HTR2C: variants seen among roughly 807,000 people sequenced by gnomAD.
HTR2C encodes the protein 5-hydroxytryptamine receptor 2C.
Under a neutral mutation model 21.0 loss-of-function variants are expected in HTR2C, and 5 were observed. That is an observed-to-expected ratio of 0.24 (90% CI 0.12 to 0.50). HTR2C has a LOEUF of 0.50. Among genes scored for constraint, HTR2C ranks in the 20% least tolerant of loss-of-function variants. The pLI, the probability that HTR2C is intolerant of heterozygous loss-of-function variation, is 0.98. For synonymous variants in HTR2C, 150 were observed against 145.3 expected (o/e 1.03, Z -0.23); for missense variants, 271 against 371.2 (o/e 0.73, Z 2.22).
chrX:114,818,829 T>G (rs1556455357), intron 4 of HTR2C, among the ~76,000 whole-genome samples: 1 of 112,496 alleles, frequency 8.9e-6, no homozygotes, highest in African/African-American at 3.2e-5. Flanking sequence ...ATAGATACTA[T>G]TTGGCCCTTT....
intron 2 of HTR2C, among the ~76,000 whole-genome samples, chrX:114,704,544 G>A (rs376508631): frequency 9.0e-6 from 1 of 111,658 alleles, no homozygotes; most frequent in South Asian, 3.8e-4. Flanking sequence ...AATTAGTACT[G>A]ATGGGATGTA....
intron 1 of HTR2C, among the ~76,000 whole-genome samples, chrX:114,605,240 A>G (rs1398201967): frequency 8.9e-6 from 1 of 112,541 alleles, no homozygotes; most frequent in Non-Finnish European, 1.9e-5. Flanking sequence ...AGGGCTAGTC[A>G]TGGAACGAAA....
rs1451351155 is a variant in HTR2C, at chrX:114,907,635, ATTGT to A, written c.*224_*227del. ...AATAGGTGGAGACTAACTTATTTTG[ATTGT>A]TTGATGAATAAAATGTTTATTTTTG... On this transcript the variant is annotated 3_prime_UTR_variant, in exon 6 of 6. Transcript: ENST00000276198. 5.0e-5 allele frequency: 15 copies of A among 303,012 alleles called. No individual in the cohort carries two copies. The highest frequency in any genetic ancestry group is 8.9e-4 in the Middle Eastern group (1 of 1,125). The allele number at this position is 303,012 out of a possible 1,213,427, so 25.0% of individuals were successfully genotyped here. A position where few individuals can be genotyped will look rare whatever the true frequency, so the allele number is the denominator to read the frequency against.
At chrX:114,710,874 T>C (rs1362762403) in intron 2 of HTR2C, among the ~76,000 whole-genome samples, 1 of 110,997 alleles carries the variant, frequency 9.0e-6, no homozygotes, top group East Asian at 2.8e-4. Context: ...GGCCAAAAGG[T>C]GTGTGGGAGG....
intron 2 of HTR2C, among the ~76,000 whole-genome samples, chrX:114,636,454 AG>A (rs1378340052): frequency 2.7e-5 from 3 of 112,322 alleles, no homozygotes; most frequent in Non-Finnish European, 5.6e-5. Context: ...GATGAGCAAG[AG>A]AAAATTATTT....
chrX:114,585,450 G>A (rs2147784297), intron 1 of HTR2C, among the ~76,000 whole-genome samples: 1 of 111,493 alleles, frequency 9.0e-6, no homozygotes, highest in East Asian at 2.8e-4. Context: ...CTCCAGCGCT[G>A]CCTCTTATTC....
intron 2 of HTR2C, among the ~76,000 whole-genome samples, chrX:114,653,419 G>C (rs1035163475): frequency 4.5e-5 from 5 of 110,103 alleles, no homozygotes; most frequent in African/African-American, 1.6e-4. Flanking sequence ...AGGAGTAGTT[G>C]GTATCAGGAA....
At chrX:114,741,524 T>TAAAAAAAAAAAAAAAAAAAAAAAA (rs782206973) in intron 4 of HTR2C, among the ~76,000 whole-genome samples, 1 of 4,900 alleles carries the variant, frequency 2.0e-4, no homozygotes, top group African/African-American at 4.2e-4. Flanking sequence ...CGACTCCGTC[T>TAAAAAAAAAAAAAAAAAAAAAAAA]AAAAAAAAAA....
intron 4 of HTR2C, among the ~76,000 whole-genome samples, chrX:114,803,153 C>G (rs2070367600): frequency 3.1e-5 from 3 of 96,715 alleles, no homozygotes; most frequent in African/African-American, 1.1e-4. Context: ...TGGGTTGGTC[C>G]CAAGTCTTTG....
At chrX:114,741,085 A>G (rs1215859527) in intron 4 of HTR2C, among the ~76,000 whole-genome samples, 1 of 111,588 alleles carries the variant, frequency 9.0e-6, no homozygotes, top group Non-Finnish European at 1.9e-5. Flanking sequence ...TAATATTTAT[A>G]TGTATACTTT....
In HTR2C at chrX:114,711,392, T is replaced by A. The variant is rs1193862206; in HGVS notation, c.-79-15466T>A. 4.5e-5 allele frequency among the ~76,000 whole-genome samples: 5 copies of A among 111,980 alleles called. No homozygotes were observed. The East Asian group carries it at 1.4e-3, about 31-fold the overall frequency. The stretch of plus-strand genomic sequence containing the variant: ...GCAGCTCGCATATCTTTCATTCTTT[T>A]ACTTATAGAACAGATGAATAAAATC... On this transcript the variant is annotated intron_variant, in intron 2 of 5. Coordinates refer to ENST00000276198, the MANE Select transcript of HTR2C (RefSeq NM_000868.4).
At chrX:114,753,280 G>A (rs1602747658) in intron 4 of HTR2C, among the ~76,000 whole-genome samples, 2 of 111,190 alleles carry the variant, frequency 1.8e-5, no homozygotes, top group African/African-American at 6.5e-5. Context: ...ACAGTCCTGG[G>A]CACAAGACAA....
chrX:114,898,574 G>C (rs1046517306), intron 5 of HTR2C, among the ~76,000 whole-genome samples: 8 of 111,824 alleles, frequency 7.2e-5, no homozygotes, highest in Non-Finnish European at 1.5e-4. Context: ...TATTGTATAT[G>C]GTATAAGAAA....
At chrX:114,807,020 C>CAT (rs2070465071) in intron 4 of HTR2C, among the ~76,000 whole-genome samples, 2 of 48,977 alleles carry the variant, frequency 4.1e-5, no homozygotes, top group African/African-American at 1.1e-4. Context: ...ACATATATAC[C>CAT]ATATATACCA....
intron 4 of HTR2C, among the ~76,000 whole-genome samples, chrX:114,740,353 A>G (rs1221388248): frequency 2.7e-5 from 3 of 110,237 alleles, no homozygotes; most frequent in Non-Finnish European, 5.7e-5. Context: ...GCACTCTCGT[A>G]TATTGCTGGT....
chrX:114,866,320 G>C (rs142867354), intron 5 of HTR2C, among the ~76,000 whole-genome samples: 4,502 of 109,154 alleles, frequency 0.041, 241 homozygotes, highest in African/African-American at 0.14. Flanking sequence ...TTTTATCATA[G>C]AGTTTTATAC....
intron 2 of HTR2C, among the ~76,000 whole-genome samples, chrX:114,670,360 A>G (rs965008835): frequency 7.2e-5 from 7 of 97,259 alleles, no homozygotes; most frequent in African/African-American, 2.7e-4. Flanking sequence ...GCGCCACTGT[A>G]CTACAGCTTG....
chrX:114,745,129 A>G (rs952645943), intron 4 of HTR2C, among the ~76,000 whole-genome samples: 4 of 112,407 alleles, frequency 3.6e-5, no homozygotes, highest in African/African-American at 1.3e-4. Context: ...CATAGAAAAA[A>G]GTCTAATAAT....
intron 5 of HTR2C, among the ~76,000 whole-genome samples, chrX:114,897,839 C>T (rs2071308775): frequency 8.9e-6 from 1 of 112,442 alleles, no homozygotes; most frequent in African/African-American, 3.2e-5. Context: ...CAAGTCTTTG[C>T]TATTGTGAAT....
Sources: gnomAD v4.1 joint callset for allele counts (sites outside exome capture counted in the v4.1 genomes callset) on GRCh38, gnomAD v4.1.1 for gene constraint, MANE v1.5 for transcripts, NCBI Gene and HGNC (gene_info 2026-07-23, HGNC 2026-07-21) for gene names.